Variants in PPP1R9A observed in about 807,000 individuals in gnomAD.
PPP1R9A encodes the protein protein phosphatase 1 regulatory subunit 9A.
A neutral mutation model predicts 141.9 loss-of-function variants in PPP1R9A; 59 were observed. The observed-to-expected ratio is 0.42, with a 90% CI of 0.34 to 0.52. PPP1R9A has a LOEUF of 0.52. Ranked by LOEUF, PPP1R9A falls within the 20% of genes least tolerant of loss-of-function variation. The probability of loss-of-function intolerance (pLI) is 0.10; values close to 1 mark genes in which losing one functional copy is unlikely to be tolerated. For synonymous variants in PPP1R9A, 500 were observed against 569.7 expected, an observed-to-expected ratio of 0.88 and a Z score of 1.74; for missense variants, 1,444 against 1,611.9, an observed-to-expected ratio of 0.90 and a Z score of 1.78.
intron 4 of PPP1R9A, among the ~76,000 whole-genome samples, chr7:95,159,627 A>T (rs1432481969): frequency 6.6e-6 from 1 of 152,104 alleles, no homozygotes; most frequent in Admixed American, 6.6e-5. Flanking sequence ...GCTTCTTTAG[A>T]AAAAATATGA....
intron 2 of PPP1R9A, among the ~76,000 whole-genome samples, chr7:95,084,836 T>C (rs1415077388): frequency 6.6e-6 from 1 of 151,994 alleles, no homozygotes; most frequent in Non-Finnish European, 1.5e-5. Context: ...GACATTAAGA[T>C]TGTTTATAAT....
intron 2 of PPP1R9A, among the ~76,000 whole-genome samples, chr7:94,965,289 A>G (rs1182503676): frequency 6.6e-6 from 1 of 151,926 alleles, no homozygotes; most frequent in African/African-American, 2.4e-5. Flanking sequence ...CTCTGGTAAT[A>G]GTTTCTTTTG....
At chr7:94,937,215 C>A (rs1330439246) in intron 2 of PPP1R9A, among the ~76,000 whole-genome samples, 9 of 152,044 alleles carry the variant, frequency 5.9e-5, no homozygotes, top group Non-Finnish European at 5.9e-5. Flanking sequence ...CTGCTCAGAG[C>A]CCTTTCTTGT....
chr7:95,092,633 T>G (rs1817513426), intron 2 of PPP1R9A, among the ~76,000 whole-genome samples: 1 of 152,212 alleles, frequency 6.6e-6, no homozygotes, highest in Non-Finnish European at 1.5e-5. Context: ...GAGTAGATCC[T>G]CTGTCAGGCA....
At chr7:95,208,733 AT>A (rs1791404244) in intron 7 of PPP1R9A, among the ~76,000 whole-genome samples, 2 of 152,002 alleles carry the variant, frequency 1.3e-5, no homozygotes, top group South Asian at 4.1e-4. Flanking sequence ...CAAAAAAAAA[AT>A]AAATAAATAA....
At chr7:94,935,476 G>T (rs1303927556) in intron 2 of PPP1R9A, among the ~76,000 whole-genome samples, 1 of 152,182 alleles carries the variant, frequency 6.6e-6, no homozygotes, top group Non-Finnish European at 1.5e-5. Context: ...AGCTATTAAC[G>T]TATGCAGGGC....
intron 3 of PPP1R9A, 90 bp downstream of exon 3, chr7:95,111,481 T>C: frequency 8.0e-7 from 1 of 1,257,144 alleles, no homozygotes; most frequent in Non-Finnish European, 1.1e-6. Context: ...TTTCTAAGGA[T>C]TGGATAAAAT....
intron 2 of PPP1R9A, among the ~76,000 whole-genome samples, chr7:94,914,348 A>G (rs750200997): frequency 5.9e-5 from 9 of 152,184 alleles, no homozygotes; most frequent in Non-Finnish European, 1.3e-4. Flanking sequence ...AGATATTTCC[A>G]TAAGATGTCT....
chr7:95,096,918 G>A (rs945187496), intron 2 of PPP1R9A, among the ~76,000 whole-genome samples: 1 of 152,110 alleles, frequency 6.6e-6, no homozygotes, highest in Non-Finnish European at 1.5e-5. Context: ...ATCCTTTCTT[G>A]CTCACCTCTC....
At chr7:95,127,376 G>A (rs919571278) in intron 4 of PPP1R9A, among the ~76,000 whole-genome samples, 2 of 152,088 alleles carry the variant, frequency 1.3e-5, no homozygotes, top group Non-Finnish European at 2.9e-5. Flanking sequence ...TTAGTCATAG[G>A]ATTCCTCTTT....
intron 4 of PPP1R9A, among the ~76,000 whole-genome samples, chr7:95,127,091 C>T (rs1009465538): frequency 1.3e-5 from 2 of 152,062 alleles, no homozygotes; most frequent in African/African-American, 2.4e-5. Flanking sequence ...TTGAAAAGCC[C>T]GTTATATAGC....
Position 95,044,458 on chromosome 7 carries a change from G to A in PPP1R9A, c.1396-66801G>A, listed in dbSNP as rs116239061. ...AGTTTCTAACTTGAAAGGGTCTAAT[G>A]AGTCTAAAAGAGAAAAAAGCTGAAA... On this transcript the variant is annotated intron_variant, in intron 2 of 19. Transcript: ENST00000433360. Among the ~76,000 whole-genome samples the A allele has an allele frequency of 2.2e-3, 340 of 151,908 alleles. 4 individuals carry two copies. Among genetic ancestry groups the A allele is most frequent in the African/African-American group, 7.6e-3 (315 of 41,486 alleles).
chr7:94,981,317 G>A (rs1245415540), intron 2 of PPP1R9A, among the ~76,000 whole-genome samples: 2 of 152,112 alleles, frequency 1.3e-5, no homozygotes, highest in Non-Finnish European at 2.9e-5. Flanking sequence ...TCGGCTCACT[G>A]CAACCTCTGT....
At chr7:95,006,304 G>A (rs1390125158) in intron 2 of PPP1R9A, among the ~76,000 whole-genome samples, 3 of 151,600 alleles carry the variant, frequency 2.0e-5, no homozygotes, top group South Asian at 2.1e-4. Flanking sequence ...TATAACCTCC[G>A]CCTCCCAGGT....
chr7:95,274,082 C>T lies in PPP1R9A; in HGVS notation c.3213-3C>T, dbSNP rs1177314018. ...CCTTTCTGACTGCTTACTATCATTA[C>T]AGGGCGCCTTTGCGAAGGAATTCCA... On this transcript the variant is annotated splice_polypyrimidine_tract_variant and splice_region_variant and intron_variant, in intron 15 of 19. Coordinates refer to ENST00000433360, the MANE Select transcript of PPP1R9A (RefSeq NM_001166160.2). The T allele has an allele frequency of 1.3e-6, 2 of 1,568,030 alleles. No homozygotes were observed. Among genetic ancestry groups the T allele is most frequent in the Admixed American group, 3.5e-5 (2 of 57,718 alleles).
intron 7 of PPP1R9A, among the ~76,000 whole-genome samples, chr7:95,215,128 C>T (rs1383691072): frequency 8.2e-6 from 1 of 121,904 alleles, no homozygotes; most frequent in East Asian, 3.0e-4. Flanking sequence ...CCCCTCCCCC[C>T]ACCCACAACA....
chr7:95,106,133 A>T (rs1403597291), intron 2 of PPP1R9A, among the ~76,000 whole-genome samples: 2 of 152,126 alleles, frequency 1.3e-5, no homozygotes, highest in Non-Finnish European at 2.9e-5. Context: ...AGAGAGTATG[A>T]TATGGGTAGT....
chr7:95,247,522 C>A lies in PPP1R9A; in HGVS notation c.2162C>A (p.Thr721Asn). ...GAAGCAGAGATTCAAAAATTGAAGA[C>A]CAAGGTAAGCACCGAAACATGGTGT... ...VTEAEIQKLK[T>N]KLQAAENEKV... Residue 721 changes from threonine to asparagine, a missense_variant, in exon 9 of 20, where the codon ACC (threonine) becomes AAC (asparagine). This residue lies in a region of PPP1R9A where 488 missense variants were observed against 542.0 expected (regional missense o/e 0.90). Transcript: ENST00000433360. 1 of 1,606,028 alleles carries A rather than the reference C, an allele frequency of 6.2e-7. No individual in the cohort carries two copies. Among genetic ancestry groups the A allele is most frequent in the Non-Finnish European group, 8.5e-7 (1 of 1,174,468 alleles).
intron 5 of PPP1R9A, among the ~76,000 whole-genome samples, chr7:95,186,994 G>T (rs1008718808): frequency 6.6e-6 from 1 of 151,942 alleles, no homozygotes; most frequent in Non-Finnish European, 1.5e-5. Context: ...GTCCTTTCCT[G>T]GTTCTGGTAT....
Sources: gnomAD v4.1 joint callset for allele counts (sites outside exome capture counted in the v4.1 genomes callset) on GRCh38, gnomAD v4.1.1 for gene constraint, gnomAD v4.1.1 regional missense constraint, MANE v1.5 for transcripts, NCBI Gene and HGNC (gene_info 2026-07-23, HGNC 2026-07-21) for gene names.